The following DLC1 variants were observed in gnomAD, a reference collection of about 807,000 sequenced individuals.
DLC1 encodes DLC1 Rho GTPase activating protein.
DLC1 carries 54 observed loss-of-function variants against 140.3 expected under a neutral mutation model. That is an observed-to-expected ratio of 0.38 (90% confidence interval 0.31 to 0.48). The LOEUF (loss-of-function observed/expected upper bound fraction) is 0.48. Ranked by LOEUF, DLC1 falls within the 20% of genes least tolerant of loss-of-function variation. The probability of loss-of-function intolerance (pLI) is 0.96; values close to 1 mark genes in which losing one functional copy is unlikely to be tolerated. For synonymous variants in DLC1, 986 were observed against 728.1 expected (o/e 1.35, Z -5.70); for missense variants, 2,536 against 1,907.0 (o/e 1.33, Z -6.14).
chr8:13,454,294 T>G (rs1339049100), intron 2 of DLC1, among the ~76,000 whole-genome samples: 1 of 151,886 alleles, frequency 6.6e-6, no homozygotes, highest in Non-Finnish European at 1.5e-5. Context: ...GAAGAAGCAG[T>G]TGGAAAAAAA....
intron 2 of DLC1, among the ~76,000 whole-genome samples, chr8:13,480,696 G>C (rs540277550): frequency 1.9e-4 from 29 of 152,296 alleles, no homozygotes; most frequent in African/African-American, 6.7e-4. Flanking sequence ...TTGATGTCAG[G>C]AGTTTGAGAC....
At chr8:13,380,468 T>C (rs1836201870) in intron 4 of DLC1, among the ~76,000 whole-genome samples, 1 of 152,232 alleles carries the variant, frequency 6.6e-6, no homozygotes, top group African/African-American at 2.4e-5. Context: ...TTTTTGTGGA[T>C]ATAAACTCTG....
chr8:13,110,683 G>T, intron 7 of DLC1, 59 bp downstream of exon 7: 1 of 1,482,802 alleles, frequency 6.7e-7, no homozygotes, highest in South Asian at 1.2e-5. Context: ...CTATCTTTGT[G>T]AGAAGTACTG....
At position 13,499,301 on chromosome 8, in the gene DLC1, G is replaced by T. The variant is rs146364788; in HGVS notation, c.771C>A (p.Phe257Leu). ...RSTCNVVQNE[F>L]LDTPCTNRGL... ...CTCTGTTTGTGCAAGGAGTATCCAA[G>T]AACTCATTTTGTACTACATTGCAGG... The change falls in exon 2 of 18, where the codon TTC (phenylalanine) becomes TTA (leucine). Residue 257 changes from phenylalanine (F) to leucine (L), a missense_variant. Coordinates refer to ENST00000276297, the MANE Select transcript of DLC1 (RefSeq NM_182643.3). 14 of 1,613,964 alleles carry T rather than the reference G, an allele frequency of 8.7e-6. No individual in the cohort carries two copies. Among genetic ancestry groups the T allele is most frequent in the East Asian group, 6.7e-5 (3 of 44,880 alleles).
intron 4 of DLC1, among the ~76,000 whole-genome samples, chr8:13,391,242 G>A (rs1241868713): frequency 1.3e-5 from 2 of 152,082 alleles, no homozygotes; most frequent in East Asian, 1.9e-4. Flanking sequence ...GTGTTGAAGA[G>A]GAATACTGTT....
chr8:13,596,083 G>C (rs1278665022), intron 1 of DLC1, among the ~76,000 whole-genome samples: 1 of 151,962 alleles, frequency 6.6e-6, no homozygotes, highest in Non-Finnish European at 1.5e-5. Flanking sequence ...GTTTCAGTTG[G>C]ATTTGTTCTT....
At chr8:13,483,856 T>C (rs1800849754) in intron 2 of DLC1, among the ~76,000 whole-genome samples, 1 of 152,106 alleles carries the variant, frequency 6.6e-6, no homozygotes, top group African/African-American at 2.4e-5. Flanking sequence ...CCGAGGCTGC[T>C]GGATCACTTG....
intron 1 of DLC1, among the ~76,000 whole-genome samples, chr8:13,550,591 G>T (rs2117354293): frequency 6.6e-6 from 1 of 152,228 alleles, no homozygotes; most frequent in African/African-American, 2.4e-5. Flanking sequence ...GGAGCATTTT[G>T]TATAAGTAGA....
chr8:13,509,792 G>A (rs747367606), intron 1 of DLC1, among the ~76,000 whole-genome samples: 5 of 151,374 alleles, frequency 3.3e-5, no homozygotes, highest in Non-Finnish European at 5.9e-5. Flanking sequence ...TTGTGAGGAT[G>A]TCTGTGAAAT....
intron 5 of DLC1, among the ~76,000 whole-genome samples, chr8:13,127,816 C>A (rs1821713989): frequency 6.6e-6 from 1 of 152,202 alleles, no homozygotes; most frequent in South Asian, 2.1e-4. Context: ...GAAGTGACCT[C>A]CAGTCCTCTC....
chr8:13,511,233 C>T lies in DLC1; in HGVS notation c.-126+3369G>A, dbSNP rs114345224. Among the ~76,000 whole-genome samples, 967 of 152,252 alleles carry T rather than the reference C, an allele frequency of 6.4e-3. 11 individuals are homozygous for T. Among genetic ancestry groups the T allele is most frequent in the African/African-American group, 0.022 (911 of 41,558 alleles). On this transcript the variant is annotated intron_variant, in intron 1 of 17. Transcript: ENST00000276297. ...TTGTTATTTCAAGCTAATACAGAAA[C>T]AACCTTTTCACACATGCAATTGTCT... is the stretch of plus-strand genomic sequence containing the variant.
intron 5 of DLC1, among the ~76,000 whole-genome samples, chr8:13,193,975 C>G (rs748967653): frequency 1.7e-4 from 26 of 152,092 alleles, no homozygotes; most frequent in Non-Finnish European, 3.1e-4. Flanking sequence ...TCTTTATTAG[C>G]ATTTTAAATT....
chr8:13,467,020 T>C (rs1307315470), intron 2 of DLC1, among the ~76,000 whole-genome samples: 1 of 152,172 alleles, frequency 6.6e-6, no homozygotes, highest in African/African-American at 2.4e-5. Context: ...TTTTAGATCT[T>C]CTTTAATATG....
chr8:13,139,998 T>C (rs1822854786), intron 5 of DLC1, among the ~76,000 whole-genome samples: 1 of 152,170 alleles, frequency 6.6e-6, no homozygotes, highest in South Asian at 2.1e-4. Flanking sequence ...ATCACCGTTA[T>C]CCATCTCCAG....
intron 4 of DLC1, among the ~76,000 whole-genome samples, chr8:13,353,748 T>C (rs977224746): frequency 1.3e-5 from 2 of 151,824 alleles, no homozygotes; most frequent in Admixed American, 1.3e-4. Context: ...ACCCAGCTAT[T>C]TGGGAGGCTG....
At chr8:13,426,109 G>A (rs1267508556) in intron 2 of DLC1, among the ~76,000 whole-genome samples, 1 of 150,252 alleles carries the variant, frequency 6.7e-6, no homozygotes, top group African/African-American at 2.4e-5. Flanking sequence ...CACCCTGTAT[G>A]GCAATTATTA....
At chr8:13,345,546 A>AATTTTTTTTT (rs1490773993) in intron 4 of DLC1, among the ~76,000 whole-genome samples, 1 of 44,656 alleles carries the variant, frequency 2.2e-5, no homozygotes, top group Non-Finnish European at 3.9e-5. Context: ...TTTCACTCAC[A>AATTTTTTTTT]CTTTTTTTTT....
At chr8:13,518,016 G>A (rs866145567), upstream of DLC1, among the ~76,000 whole-genome samples, 3 of 152,210 alleles carry the variant, frequency 2.0e-5, no homozygotes, top group East Asian at 1.9e-4. Flanking sequence ...ATGTGAAACC[G>A]TTATAGTGGT....
intron 4 of DLC1, among the ~76,000 whole-genome samples, chr8:13,311,605 TC>T (rs1217032766): frequency 1.3e-5 from 2 of 152,148 alleles, no homozygotes; most frequent in South Asian, 2.1e-4. Context: ...TGAGATTTAT[TC>T]CCCCCCTTAA....
Sources: gnomAD v4.1 joint callset for allele counts (sites outside exome capture counted in the v4.1 genomes callset) on GRCh38, gnomAD v4.1.1 for gene constraint, MANE v1.5 for transcripts, NCBI Gene and HGNC (gene_info 2026-07-23, HGNC 2026-07-21) for gene names.